Variants in PTPRD observed in about 807,000 individuals in gnomAD.
PTPRD encodes receptor-type tyrosine-protein phosphatase delta.
Under a neutral mutation model 214.5 loss-of-function variants are expected in PTPRD, and 34 were observed. The observed-to-expected ratio is 0.16, with a 90% confidence interval of 0.12 to 0.21. The LOEUF (loss-of-function observed/expected upper bound fraction) is 0.21, where lower values mean the gene tolerates loss of function less well. PTPRD is among the 10% of genes least tolerant of loss of function. PTPRD has a pLI of 1.00. For missense variants in PTPRD, 2,545 were observed against 2,398.7 expected (o/e 1.06, Z -1.27); for synonymous variants, 1,128 against 845.7 (o/e 1.33, Z -5.79).
intron 3 of PTPRD, among the ~76,000 whole-genome samples, chr9:10,301,934 C>T (rs555507726): frequency 6.6e-6 from 1 of 152,126 alleles, no homozygotes; most frequent in South Asian, 2.1e-4. Flanking sequence ...CACAAAGATA[C>T]TCCTTGAGAA....
chr9:9,485,499 GT>G (rs1470434283), intron 8 of PTPRD, among the ~76,000 whole-genome samples: 1 of 152,064 alleles, frequency 6.6e-6, no homozygotes, highest in Non-Finnish European at 1.5e-5. Context: ...TGAAGTTCCA[GT>G]TTTTAGTGTA....
At chr9:8,899,430 A>T (rs2098647763) in intron 11 of PTPRD, among the ~76,000 whole-genome samples, 1 of 152,194 alleles carries the variant, frequency 6.6e-6, no homozygotes, top group South Asian at 2.1e-4. Context: ...TTTGTTGTTC[A>T]ACTAGAGATC....
chr9:8,506,986 G>A (rs1345634915), intron 22 of PTPRD, among the ~76,000 whole-genome samples: 7 of 152,142 alleles, frequency 4.6e-5, no homozygotes, highest in African/African-American at 1.7e-4. Flanking sequence ...AAGTCTCATT[G>A]AGTATTTATT....
intron 10 of PTPRD, among the ~76,000 whole-genome samples, chr9:9,105,769 A>G (rs192667438): frequency 6.6e-6 from 1 of 152,316 alleles, no homozygotes; most frequent in African/African-American, 2.4e-5. Flanking sequence ...CCATTCAATG[A>G]AAGTGAAATT....
intron 8 of PTPRD, among the ~76,000 whole-genome samples, chr9:9,432,137 A>G (rs1231871523): frequency 6.6e-6 from 1 of 151,218 alleles, no homozygotes; most frequent in Non-Finnish European, 1.5e-5. Context: ...TATATCATGC[A>G]TTGTGTGAGA....
intron 11 of PTPRD, among the ~76,000 whole-genome samples, chr9:8,846,080 T>C (rs142987586): frequency 3.3e-5 from 5 of 152,348 alleles, no homozygotes; most frequent in Non-Finnish European, 7.3e-5. Flanking sequence ...AGATTTGTCT[T>C]GTCTAGTGGC....
intron 9 of PTPRD, among the ~76,000 whole-genome samples, chr9:9,332,538 T>C (rs372744896): frequency 6.7e-6 from 1 of 150,306 alleles, no homozygotes; most frequent in African/African-American, 2.5e-5. Context: ...GTTTCATTTA[T>C]GTTGGAGATG....
intron 4 of PTPRD, among the ~76,000 whole-genome samples, chr9:10,026,954 C>A (rs773797970): frequency 6.6e-5 from 10 of 151,852 alleles, no homozygotes; most frequent in Admixed American, 1.3e-4. Context: ...AGAAATAGCT[C>A]CAATCGATTT....
intron 2 of PTPRD, among the ~76,000 whole-genome samples, chr9:10,514,827 T>C (rs1033999286): frequency 3.9e-5 from 6 of 152,062 alleles, no homozygotes; most frequent in Admixed American, 3.9e-4. Flanking sequence ...TTAAAAAGTA[T>C]GAATTTCTAC....
At chr9:9,894,564 T>C (rs1340005997) in intron 5 of PTPRD, among the ~76,000 whole-genome samples, 6 of 152,068 alleles carry the variant, frequency 3.9e-5, no homozygotes, top group Non-Finnish European at 8.8e-5. Flanking sequence ...GCATTGCAGT[T>C]CAGCACCATC....
intron 10 of PTPRD, among the ~76,000 whole-genome samples, chr9:9,084,333 A>G (rs1188819627): frequency 6.6e-6 from 1 of 152,184 alleles, no homozygotes; most frequent in African/African-American, 2.4e-5. Context: ...GTTCTCACTC[A>G]TAAGTGGGAG....
intron 3 of PTPRD, among the ~76,000 whole-genome samples, chr9:10,130,468 AT>A (rs893798876): frequency 6.6e-6 from 1 of 151,944 alleles, no homozygotes; most frequent in African/African-American, 2.4e-5. Context: ...TATTGAAAAT[AT>A]TTTTTCTACT....
intron 10 of PTPRD, among the ~76,000 whole-genome samples, chr9:9,119,690 A>AT (rs1284016546): frequency 1.3e-5 from 2 of 152,060 alleles, no homozygotes; most frequent in South Asian, 2.1e-4. Flanking sequence ...CACCTGGCTG[A>AT]TTTTTTGTAT....
intron 11 of PTPRD, among the ~76,000 whole-genome samples, chr9:8,992,539 GA>G (rs2099378326): frequency 1.3e-5 from 2 of 152,120 alleles, no homozygotes; most frequent in Non-Finnish European, 1.5e-5. Flanking sequence ...ATTAATACTA[GA>G]GGTTTGGTTA....
chr9:9,617,847 C>T (rs1220220826), intron 7 of PTPRD, among the ~76,000 whole-genome samples: 14 of 151,574 alleles, frequency 9.2e-5, no homozygotes, highest in Admixed American at 2.6e-4. Flanking sequence ...CAGAGGCGGG[C>T]AGATCACGAG....
chr9:9,797,133 T>C (rs2099007691), intron 5 of PTPRD, among the ~76,000 whole-genome samples: 1 of 151,624 alleles, frequency 6.6e-6, no homozygotes, highest in Non-Finnish European at 1.5e-5. Context: ...AAGAGAGTGT[T>C]ACAAAGTATT....
intron 35 of PTPRD, among the ~76,000 whole-genome samples, chr9:8,422,458 T>C (rs1437871822): frequency 1.3e-5 from 2 of 152,136 alleles, no homozygotes; most frequent in African/African-American, 4.8e-5. Context: ...GGAGTCTACT[T>C]AGAAAATGTC....
At chr9:10,007,957 C>T (rs2154101582) in intron 4 of PTPRD, among the ~76,000 whole-genome samples, 1 of 151,816 alleles carries the variant, frequency 6.6e-6, no homozygotes, top group Middle Eastern at 3.4e-3. Context: ...ACTTAAGAAC[C>T]ATTATGTTCT....
chr9:10,611,942 C>G (rs76186789), intron 2 of PTPRD, among the ~76,000 whole-genome samples: 6,699 of 127,790 alleles, frequency 0.052, 255 homozygotes, highest in East Asian at 0.23. Context: ...CTTTTCAGAA[C>G]TAAAGATAAA....
Sources: allele counts gnomAD v4.1 joint callset (sites outside exome capture counted in the v4.1 genomes callset), GRCh38; gene constraint gnomAD v4.1.1; transcripts MANE v1.5; gene names NCBI Gene and HGNC (gene_info 2026-07-23, HGNC 2026-07-21).